The following AUTS2 variants were observed in gnomAD, a reference collection of about 807,000 sequenced individuals.
AUTS2 encodes the protein autism susceptibility gene 2 protein.
Under a neutral mutation model 112.4 loss-of-function variants are expected in AUTS2, and 17 were observed. The ratio of observed to expected loss-of-function variants is 0.15; its 90% CI spans 0.10 to 0.23. The LOEUF (loss-of-function observed/expected upper bound fraction) is 0.23. AUTS2 is among the 10% of genes least tolerant of loss of function. The pLI is 1.00. For missense variants in AUTS2, 1,510 were observed against 1,701.6 expected (o/e 0.89, Z 1.98); for synonymous variants, 751 against 702.7 (o/e 1.07, Z -1.09).
At chr7:70,020,001 G>T (rs1406283405) in intron 2 of AUTS2, among the ~76,000 whole-genome samples, 2 of 152,172 alleles carry the variant, frequency 1.3e-5, no homozygotes, top group Non-Finnish European at 2.9e-5. Flanking sequence ...TTCTGGGTAT[G>T]TCCAAGATAG....
At chr7:70,236,735 A>C (rs1038252444) in intron 4 of AUTS2, among the ~76,000 whole-genome samples, 3 of 152,154 alleles carry the variant, frequency 2.0e-5, no homozygotes, top group Non-Finnish European at 4.4e-5. Context: ...CACCTGATGC[A>C]CTTTTTAATG....
At chr7:70,163,098 A>G (rs1808180589) in intron 4 of AUTS2, among the ~76,000 whole-genome samples, 1 of 151,436 alleles carries the variant, frequency 6.6e-6, no homozygotes, top group African/African-American at 2.4e-5. Context: ...GGTTTGGGAG[A>G]GGGTCAATAG....
chr7:70,505,558 A>G (rs143286041), intron 5 of AUTS2, among the ~76,000 whole-genome samples: 2 of 152,346 alleles, frequency 1.3e-5, no homozygotes, highest in East Asian at 3.9e-4. Flanking sequence ...ATCAAGGGTC[A>G]TAAGTGTCAA....
At chr7:70,529,770 G>T (rs1051232259) in intron 5 of AUTS2, among the ~76,000 whole-genome samples, 1 of 152,192 alleles carries the variant, frequency 6.6e-6, no homozygotes, top group African/African-American at 2.4e-5. Context: ...CTTCTAGGGG[G>T]TGGGATCAGT....
chr7:69,878,950 C>G (rs1169632069), intron 1 of AUTS2, among the ~76,000 whole-genome samples: 1 of 152,054 alleles, frequency 6.6e-6, no homozygotes, highest in Admixed American at 6.6e-5. Flanking sequence ...AGCTGAGGGC[C>G]CTTTGGGATA....
At chr7:69,835,212 A>G (rs1034095357) in intron 1 of AUTS2, among the ~76,000 whole-genome samples, 2 of 152,056 alleles carry the variant, frequency 1.3e-5, no homozygotes, top group Non-Finnish European at 2.9e-5. Context: ...AGATCAAGAC[A>G]CAAAGAGTAA....
chr7:70,530,069 T>A (rs1800015084), intron 5 of AUTS2, among the ~76,000 whole-genome samples: 1 of 152,170 alleles, frequency 6.6e-6, no homozygotes, highest in African/African-American at 2.4e-5. Flanking sequence ...GAAGCTCTAA[T>A]GCAAGTGCGT....
chr7:70,469,030 C>CA (rs1797275244), intron 5 of AUTS2, among the ~76,000 whole-genome samples: 1 of 152,146 alleles, frequency 6.6e-6, no homozygotes, highest in African/African-American at 2.4e-5. Context: ...TATTCTGCAC[C>CA]AAAGTTGCAG....
chr7:70,755,821 CTT>C (rs1563174850), intron 6 of AUTS2, among the ~76,000 whole-genome samples: 1 of 151,764 alleles, frequency 6.6e-6, no homozygotes, highest in African/African-American at 2.4e-5. Context: ...TAATAATACT[CTT>C]ATTTACTTTA....
chr7:70,515,629 T>C (rs1019761031), intron 5 of AUTS2, among the ~76,000 whole-genome samples: 1 of 152,126 alleles, frequency 6.6e-6, no homozygotes, highest in Non-Finnish European at 1.5e-5. Flanking sequence ...CATTGACAGA[T>C]CTTAATTCTC....
chr7:69,639,764 C>A (rs1032811746), intron 1 of AUTS2, among the ~76,000 whole-genome samples: 2 of 152,194 alleles, frequency 1.3e-5, no homozygotes, highest in South Asian at 4.1e-4. Context: ...TGTGGCAGTG[C>A]TTAGAGAATT....
chr7:70,258,622 C>T (rs571234037), intron 4 of AUTS2, among the ~76,000 whole-genome samples: 12 of 152,290 alleles, frequency 7.9e-5, no homozygotes, highest in African/African-American at 2.9e-4. Flanking sequence ...GACTATCTTA[C>T]TACCCTGAGA....
chr7:69,657,422 T>A (rs1179553075), intron 1 of AUTS2, among the ~76,000 whole-genome samples: 1 of 152,236 alleles, frequency 6.6e-6, no homozygotes, highest in Non-Finnish European at 1.5e-5. Context: ...TTATTACCTA[T>A]GGCAGCTAAA....
intron 1 of AUTS2, among the ~76,000 whole-genome samples, chr7:69,633,068 C>G (rs1794342741): frequency 6.6e-6 from 1 of 152,152 alleles, no homozygotes; most frequent in African/African-American, 2.4e-5. Context: ...AATCTCTAGA[C>G]CTGTTCATCC....
At chr7:70,416,102 T>C (rs1171207804) in intron 4 of AUTS2, among the ~76,000 whole-genome samples, 2 of 152,156 alleles carry the variant, frequency 1.3e-5, no homozygotes, top group Non-Finnish European at 2.9e-5. Context: ...GGCATGCAGG[T>C]GTGTTTTTTT....
intron 4 of AUTS2, among the ~76,000 whole-genome samples, chr7:70,250,359 GC>G: frequency 6.6e-6 from 1 of 152,272 alleles, no homozygotes; most frequent in East Asian, 1.9e-4. Flanking sequence ...AGACAGACCT[GC>G]ACATTTGCAG....
intron 2 of AUTS2, among the ~76,000 whole-genome samples, chr7:69,921,762 T>TAA (rs35008506): frequency 0.013 from 1,332 of 100,554 alleles, 12 homozygotes; most frequent in African/African-American, 0.014. Context: ...ACTCTGTCTT[T>TAA]AAAAAAAAAA....
At chr7:69,971,046 CGT>C (rs1369132747) in intron 2 of AUTS2, among the ~76,000 whole-genome samples, 1 of 152,058 alleles carries the variant, frequency 6.6e-6, no homozygotes, top group Non-Finnish European at 1.5e-5. Flanking sequence ...GGTGTGGTAG[CGT>C]GTGTCTGTGG....
chr7:70,164,192 A>G (rs942690908), intron 4 of AUTS2, among the ~76,000 whole-genome samples: 3 of 152,176 alleles, frequency 2.0e-5, no homozygotes, highest in Admixed American at 2.0e-4. Context: ...AAATCAATCT[A>G]GTTTTCCCTG....
Sources: gnomAD v4.1 joint callset for allele counts (sites outside exome capture counted in the v4.1 genomes callset) on GRCh38, gnomAD v4.1.1 for gene constraint, MANE v1.5 for transcripts, NCBI Gene and HGNC (gene_info 2026-07-23, HGNC 2026-07-21) for gene names.